Variants in GABRB3 observed in about 807,000 individuals in gnomAD.
GABRB3 encodes the protein gamma-aminobutyric acid receptor subunit beta-3.
In GABRB3, 14 loss-of-function variants were observed where a neutral mutation model predicts 52.1. The ratio of observed to expected loss-of-function variants is 0.27; its 90% CI spans 0.18 to 0.42. GABRB3 has a LOEUF of 0.42. GABRB3 is among the 10% of genes least tolerant of loss of function. The pLI is 1.00. For synonymous variants in GABRB3, 260 were observed against 232.3 expected, an observed-to-expected ratio of 1.12 and a Z score of -1.08; for missense variants, 307 against 609.1, an observed-to-expected ratio of 0.50 and a Z score of 5.22.
At chr15:26,585,201 GGC>G (rs1299464865) in intron 4 of GABRB3, among the ~76,000 whole-genome samples, 1 of 152,156 alleles carries the variant, frequency 6.6e-6, no homozygotes, top group Non-Finnish European at 1.5e-5. Context: ...TGGCAGTCCT[GGC>G]TATGCCCATT....
intron 3 of GABRB3, among the ~76,000 whole-genome samples, chr15:26,707,351 G>C (rs1333972783): frequency 1.3e-5 from 2 of 152,174 alleles, no homozygotes; most frequent in African/African-American, 2.4e-5. Context: ...AACCAGTTGG[G>C]AAATGACTAC....
intron 3 of GABRB3, among the ~76,000 whole-genome samples, chr15:26,739,524 C>G (rs1890148786): frequency 6.6e-6 from 1 of 151,910 alleles, no homozygotes; most frequent in Non-Finnish European, 1.5e-5. Flanking sequence ...AATTAATTCA[C>G]CTTTCTACAC....
chr15:26,656,378 T>C (rs1887373879), intron 3 of GABRB3, among the ~76,000 whole-genome samples: 1 of 152,044 alleles, frequency 6.6e-6, no homozygotes, highest in Non-Finnish European at 1.5e-5. Context: ...AAAATCAGAG[T>C]CTCTCAGACA....
chr15:26,710,265 G>A (rs1484118412), intron 3 of GABRB3, among the ~76,000 whole-genome samples: 1 of 151,966 alleles, frequency 6.6e-6, no homozygotes, highest in Admixed American at 6.6e-5. Context: ...TTTTTGTTTT[G>A]TTTTGTTTTG....
chr15:26,732,800 C>A (rs1007356021), intron 3 of GABRB3, among the ~76,000 whole-genome samples: 33 of 152,156 alleles, frequency 2.2e-4, no homozygotes, highest in African/African-American at 7.9e-4. Context: ...ACCATCCTGG[C>A]CAAAATGATG....
At chr15:26,738,469 T>C (rs1309278737) in intron 3 of GABRB3, among the ~76,000 whole-genome samples, 1 of 152,216 alleles carries the variant, frequency 6.6e-6, no homozygotes, top group Non-Finnish European at 1.5e-5. Context: ...CCTTGTCTTC[T>C]ATGAGAATTA....
At chr15:26,637,121 C>A (rs1296959516) in intron 3 of GABRB3, among the ~76,000 whole-genome samples, 2 of 152,216 alleles carry the variant, frequency 1.3e-5, no homozygotes, top group African/African-American at 2.4e-5. Context: ...TAGCATCTCT[C>A]TGACCTTACC....
At chr15:26,572,181 GCA>G (rs1386210553) in intron 6 of GABRB3, among the ~76,000 whole-genome samples, 2 of 152,032 alleles carry the variant, frequency 1.3e-5, no homozygotes, top group African/African-American at 4.8e-5. Flanking sequence ...GTGAATAAAA[GCA>G]CAGTTTACCT....
chr15:26,585,885 C>T (rs1179430509), intron 4 of GABRB3, among the ~76,000 whole-genome samples: 3 of 152,204 alleles, frequency 2.0e-5, no homozygotes, highest in Non-Finnish European at 2.9e-5. Context: ...AATAACCACA[C>T]AAGATGCCTA....
At chr15:26,770,079 T>C (rs1266401008) in intron 3 of GABRB3, among the ~76,000 whole-genome samples, 2 of 152,226 alleles carry the variant, frequency 1.3e-5, no homozygotes, top group African/African-American at 4.8e-5. Flanking sequence ...CATTGCTCTA[T>C]TTGAGGCTCC....
chr15:26,745,836 T>C (rs1293933589), intron 3 of GABRB3, among the ~76,000 whole-genome samples: 1 of 152,228 alleles, frequency 6.6e-6, no homozygotes, highest in Non-Finnish European at 1.5e-5. Flanking sequence ...GAATGCGCCA[T>C]AGCTTGTTTA....
chr15:26,728,917 G>A (rs1889838772), intron 3 of GABRB3, among the ~76,000 whole-genome samples: 1 of 152,144 alleles, frequency 6.6e-6, no homozygotes, highest in African/African-American at 2.4e-5. Context: ...ACACTAAAAT[G>A]TGCAATGAAA....
Position 26,741,322 on chromosome 15 carries a change from A to G in GABRB3, c.240+31080T>C, listed in dbSNP as rs527849591. The stretch of plus-strand genomic sequence containing the variant: ...GAAAATAAACATGGTAGCCTTTCCA[A>G]TGGGCACAGTGCCATTACCAGACAC... On this transcript the variant is annotated intron_variant, in intron 3 of 8. Coordinates refer to ENST00000311550, the MANE Select transcript of GABRB3 (RefSeq NM_000814.6). Among the ~76,000 whole-genome samples, 6 of 152,270 alleles carry G rather than the reference A, an allele frequency of 3.9e-5. No homozygotes were observed. In the East Asian group the frequency reaches 7.7e-4, roughly 20 times the overall value.
At chr15:26,733,180 G>A (rs376281734) in intron 3 of GABRB3, among the ~76,000 whole-genome samples, 1 of 152,008 alleles carries the variant, frequency 6.6e-6, no homozygotes, top group African/African-American at 2.4e-5. Context: ...TAAATAAAGG[G>A]CATTCAAATT....
intron 3 of GABRB3, among the ~76,000 whole-genome samples, chr15:26,770,499 A>G (rs1303937492): frequency 6.6e-6 from 1 of 152,270 alleles, no homozygotes; most frequent in African/African-American, 2.4e-5. Context: ...AACACTGATG[A>G]AGTTTTTAAA....
intron 3 of GABRB3, among the ~76,000 whole-genome samples, chr15:26,715,095 C>A (rs1441797267): frequency 6.6e-6 from 1 of 152,144 alleles, no homozygotes; most frequent in African/African-American, 2.4e-5. Flanking sequence ...GGGCCATGGG[C>A]AGCTCCTTGA....
chr15:26,580,510 C>T (rs112553936), intron 5 of GABRB3, 54 bp from the exon 6 acceptor site: 101 of 1,608,346 alleles, frequency 6.3e-5, no homozygotes, highest in Middle Eastern at 1.7e-4. Context: ...TATAAATGCA[C>T]GGCTAAATAA....
chr15:26,773,145 G>A (rs867963618), upstream of GABRB3: 26 of 409,878 alleles, frequency 6.3e-5, no homozygotes, highest in Non-Finnish European at 8.5e-5. Context: ...GGAGCGGGGA[G>A]GGAGGAGCGC....
chr15:26,639,005 G>A (rs897142624), intron 3 of GABRB3, among the ~76,000 whole-genome samples: 5 of 152,026 alleles, frequency 3.3e-5, no homozygotes, highest in Admixed American at 1.3e-4. Context: ...GCTGCAAACC[G>A]TTTCAAGAGG....
Sources: gnomAD v4.1 joint callset for allele counts (sites outside exome capture counted in the v4.1 genomes callset) on GRCh38, gnomAD v4.1.1 for gene constraint, MANE v1.5 for transcripts, NCBI Gene and HGNC (gene_info 2026-07-23, HGNC 2026-07-21) for gene names.